Variants in GLT1D1 observed in about 807,000 individuals in gnomAD.
GLT1D1 encodes the protein glycosyltransferase 1 domain-containing protein 1.
GLT1D1 carries 21 observed loss-of-function variants against 28.7 expected under a neutral mutation model. The ratio of observed to expected loss-of-function variants is 0.73; its 90% CI spans 0.52 to 1.05. The LOEUF (loss-of-function observed/expected upper bound fraction) is 1.05, where lower values mean the gene tolerates loss of function less well. Ranked by LOEUF, GLT1D1 falls within the 50% of genes least tolerant of loss-of-function variation. The pLI, the probability that GLT1D1 is intolerant of heterozygous loss-of-function variation, is 0.00. For synonymous variants in GLT1D1, 147 were observed against 124.8 expected, an observed-to-expected ratio of 1.18 and a Z score of -1.19; for missense variants, 343 against 330.6, an observed-to-expected ratio of 1.04 and a Z score of -0.29.
intron 6 of GLT1D1, among the ~76,000 whole-genome samples, chr12:128,951,130 C>T (rs1313537695): frequency 6.6e-6 from 1 of 152,090 alleles, no homozygotes; most frequent in East Asian, 1.9e-4. Flanking sequence ...TGGCCGGGCG[C>T]GGTGGCTCAC....
intron 4 of GLT1D1, among the ~76,000 whole-genome samples, chr12:128,904,132 A>T (rs1363901368): frequency 6.6e-6 from 1 of 151,652 alleles, no homozygotes; most frequent in Non-Finnish European, 1.5e-5. Flanking sequence ...CTCAATTCTT[A>T]TTTACTCTAC....
chr12:128,880,785 G>C (rs1006750119), intron 2 of GLT1D1, among the ~76,000 whole-genome samples: 7 of 152,180 alleles, frequency 4.6e-5, no homozygotes, highest in Admixed American at 4.6e-4. Flanking sequence ...AAAATACAAA[G>C]AAGAAAATAT....
intron 4 of GLT1D1, among the ~76,000 whole-genome samples, chr12:128,916,975 C>A (rs1009743007): frequency 6.6e-6 from 1 of 152,046 alleles, no homozygotes; most frequent in Non-Finnish European, 1.5e-5. Context: ...AGTTTTAGTG[C>A]TGTAGCTCTT....
At chr12:128,944,806 G>GTGTA (rs1875798410) in intron 4 of GLT1D1, 7 of 224,244 alleles carry the variant, frequency 3.1e-5, no homozygotes, top group Non-Finnish European at 4.5e-5. Flanking sequence ...ATATATATAT[G>GTGTA]TATATATATA....
At chr12:128,945,419 G>T (rs774227745) in intron 5 of GLT1D1, 50 bp downstream of exon 9, 2 of 1,445,366 alleles carry the variant, frequency 1.4e-6, no homozygotes, top group South Asian at 2.3e-5. Flanking sequence ...AGCCTGAGTG[G>T]CCCCTGGGTT....
chr12:128,890,477 A>C (rs1868914884), intron 3 of GLT1D1, among the ~76,000 whole-genome samples: 1 of 152,184 alleles, frequency 6.6e-6, no homozygotes, highest in South Asian at 2.1e-4. Flanking sequence ...TAACAATAAT[A>C]AGAATTAAAA....
At chr12:128,946,007 C>T (rs929684247) in intron 5 of GLT1D1, among the ~76,000 whole-genome samples, 11 of 152,194 alleles carry the variant, frequency 7.2e-5, no homozygotes, top group African/African-American at 2.7e-4. Context: ...TCACAGCCCC[C>T]CAGGATTCCA....
chr12:128,909,812 C>G (rs1434141657), intron 4 of GLT1D1, among the ~76,000 whole-genome samples: 2 of 152,130 alleles, frequency 1.3e-5, no homozygotes, highest in African/African-American at 4.8e-5. Flanking sequence ...AGTAATGAGC[C>G]AAAGAGGTAA....
chr12:128,862,066 C>T (rs762239042), intron 1 of GLT1D1, among the ~76,000 whole-genome samples: 12 of 152,192 alleles, frequency 7.9e-5, no homozygotes, highest in Non-Finnish European at 1.3e-4. Flanking sequence ...CGGTGGCTCA[C>T]GCCTTTGATC....
Position 128,899,232 on chromosome 12 carries a change from C to G in GLT1D1, c.324-4C>G, listed in dbSNP as rs1566114179. On this transcript the variant is annotated splice_region_variant and splice_polypyrimidine_tract_variant and intron_variant, in intron 3 of 7. Coordinates refer to ENST00000281703, the MANE Select transcript of GLT1D1 (RefSeq NM_144669.3). Reference sequence around the variant, plus strand: ...TGTTTCTATTATTTTTGTTCATTTACTAGATTTGCTGTCGCTTTCACAGAG... The same window carrying G: ...TGTTTCTATTATTTTTGTTCATTTAGTAGATTTGCTGTCGCTTTCACAGAG... 6.2e-7 allele frequency: 1 copy of G among 1,609,356 alleles called. No homozygotes were observed.
At chr12:128,892,496 T>C (rs1186091271) in intron 3 of GLT1D1, among the ~76,000 whole-genome samples, 2 of 152,230 alleles carry the variant, frequency 1.3e-5, no homozygotes, top group African/African-American at 4.8e-5. Context: ...AGAAACAACA[T>C]TGAATGAATC....
chr12:128,870,812 G>A (rs1000431228), intron 1 of GLT1D1, among the ~76,000 whole-genome samples: 8 of 151,872 alleles, frequency 5.3e-5, no homozygotes, highest in Non-Finnish European at 5.9e-5. Context: ...CCAACATGGT[G>A]AAACTCCATC....
chr12:128,887,864 T>C (rs1032857184), intron 2 of GLT1D1, among the ~76,000 whole-genome samples: 1 of 152,126 alleles, frequency 6.6e-6, no homozygotes, highest in African/African-American at 2.4e-5. Context: ...TAGGCCATAG[T>C]CTCTCTGAAA....
At chr12:128,976,998 T>C (rs981605779) in intron 7 of GLT1D1, among the ~76,000 whole-genome samples, 1 of 151,950 alleles carries the variant, frequency 6.6e-6, no homozygotes, top group African/African-American at 2.4e-5. Context: ...AAACAAAAAT[T>C]AGTCGGGCGT....
intron 4 of GLT1D1, chr12:128,930,236 C>T (rs1566143519): frequency 1.3e-5 from 2 of 152,100 alleles, no homozygotes; most frequent in South Asian, 2.1e-4. Flanking sequence ...GTTTGAAGAA[C>T]ATTGAAAGAA....
intron 6 of GLT1D1, among the ~76,000 whole-genome samples, chr12:128,952,435 G>GGA (rs1491442807): frequency 6.9e-5 from 1 of 14,434 alleles, no homozygotes; most frequent in African/African-American, 1.8e-4. Flanking sequence ...GGGTGGGGGT[G>GGA]GGGGGGGGTG....
At chr12:128,884,112 A>G (rs115984688) in intron 2 of GLT1D1, among the ~76,000 whole-genome samples, 83 of 152,270 alleles carry the variant, frequency 5.5e-4, no homozygotes, top group African/African-American at 1.9e-3. Flanking sequence ...GATATCTGCA[A>G]CCCCATGTTC....
chr12:128,977,542 G>A (rs1879881264), intron 7 of GLT1D1, among the ~76,000 whole-genome samples: 1 of 151,968 alleles, frequency 6.6e-6, no homozygotes, highest in Admixed American at 6.6e-5. Flanking sequence ...ACCTCTCTTG[G>A]AAAAGAAAAG....
chr12:128,881,384 A>T (rs1310004752), intron 2 of GLT1D1, among the ~76,000 whole-genome samples: 1 of 148,692 alleles, frequency 6.7e-6, no homozygotes, highest in Non-Finnish European at 1.5e-5. Context: ...TACAAAAAAA[A>T]TTAGCTGACC....
Sources: gnomAD v4.1 joint callset for allele counts (sites outside exome capture counted in the v4.1 genomes callset) on GRCh38, gnomAD v4.1.1 for gene constraint, MANE v1.5 for transcripts, NCBI Gene and HGNC (gene_info 2026-07-23, HGNC 2026-07-21) for gene names.